HNRNPC: variants seen among roughly 807,000 people sequenced by gnomAD.
HNRNPC encodes the protein heterogeneous nuclear ribonucleoprotein C, also known as heterogeneous nuclear ribonucleoproteins C1/C2.
Under a neutral mutation model 33.2 loss-of-function variants are expected in HNRNPC, and 3 were observed. That is an observed-to-expected ratio of 0.09 (90% confidence interval 0.04 to 0.23). The LOEUF is 0.23. Ranked by LOEUF, HNRNPC falls within the 10% of genes least tolerant of loss-of-function variation. The pLI, the probability that HNRNPC is intolerant of heterozygous loss-of-function variation, is 1.00. For synonymous variants in HNRNPC, 121 were observed against 126.7 expected, an observed-to-expected ratio of 0.96 and a Z score of 0.30; for missense variants, 143 against 366.7, an observed-to-expected ratio of 0.39 and a Z score of 4.98.
chr14:21,266,345 C>CGCCTCA (rs1452955887), intron 1 of HNRNPC, among the ~76,000 whole-genome samples: 2 of 152,072 alleles, frequency 1.3e-5, no homozygotes, highest in Admixed American at 6.6e-5. Context: ...GTGATCCACC[C>CGCCTCA]GCCTCAGCCT....
At chr14:21,267,200 C>T (rs573589481) in intron 1 of HNRNPC, among the ~76,000 whole-genome samples, 3 of 144,294 alleles carry the variant, frequency 2.1e-5, no homozygotes, top group African/African-American at 7.7e-5. Context: ...GAATTAGAAA[C>T]TAAAAATTCA....
chr14:21,251,972 G>C (rs1002222754), intron 2 of HNRNPC, among the ~76,000 whole-genome samples: 1 of 152,012 alleles, frequency 6.6e-6, no homozygotes, highest in African/African-American at 2.4e-5. Context: ...TAACCTAGCA[G>C]CCCAGAATAA....
rs145449068 is a variant in HNRNPC, at chr14:21,247,687, C to T, written c.-36-13458G>A. 8.1e-3 allele frequency among the ~76,000 whole-genome samples: 1,231 copies of T among 152,156 alleles called. 13 individuals carry two copies. The highest frequency in any genetic ancestry group is 0.054 in the Middle Eastern group (16 of 294). ...ATCCTTGGCTGGGTGTGGTGGCTCACACCTGTAATCCCAGCACTTTGGGAG... is the reference window on the plus strand; with the variant it reads ...ATCCTTGGCTGGGTGTGGTGGCTCATACCTGTAATCCCAGCACTTTGGGAG... On this transcript the variant is annotated intron_variant, in intron 2 of 8. Coordinates refer to ENST00000553300, the MANE Select transcript of HNRNPC (RefSeq NM_004500.4).
At chr14:21,245,200 A>C (rs1170002084) in intron 2 of HNRNPC, among the ~76,000 whole-genome samples, 1 of 152,090 alleles carries the variant, frequency 6.6e-6, no homozygotes, top group Non-Finnish European at 1.5e-5. Context: ...ACAGTATAAA[A>C]GATTTCAAAA....
chr14:21,240,998 C>T (rs371963990), intron 2 of HNRNPC, among the ~76,000 whole-genome samples: 3 of 152,114 alleles, frequency 2.0e-5, no homozygotes, highest in Non-Finnish European at 4.4e-5. Flanking sequence ...AGGCCAGGTG[C>T]GAAGGCTCAC....
intron 5 of HNRNPC, among the ~76,000 whole-genome samples, chr14:21,227,948 A>C (rs1893666958): frequency 6.6e-6 from 1 of 152,262 alleles, no homozygotes; most frequent in Non-Finnish European, 1.5e-5. Flanking sequence ...CAGAAACACA[A>C]CCACGTCCTT....
intron 2 of HNRNPC, among the ~76,000 whole-genome samples, chr14:21,253,724 A>C (rs1203313863): frequency 6.6e-6 from 1 of 152,114 alleles, no homozygotes; most frequent in East Asian, 1.9e-4. Context: ...TAACACTGCC[A>C]ATAAATTGCT....
chr14:21,213,144 C>A, intron 5 of HNRNPC, 27 bp from the exon 6 acceptor site: 1 of 1,609,408 alleles, frequency 6.2e-7, no homozygotes, highest in Non-Finnish European at 8.5e-7. Context: ...AAATGGAATT[C>A]ATTCAAACCT....
At chr14:21,266,674 A>G (rs1464909995) in intron 1 of HNRNPC, among the ~76,000 whole-genome samples, 4 of 149,912 alleles carry the variant, frequency 2.7e-5, no homozygotes, top group African/African-American at 7.4e-5. Flanking sequence ...AAACCTTCCC[A>G]TTTCCAATGA....
chr14:21,241,602 GGTCCGGC>G (rs985347873), intron 2 of HNRNPC, among the ~76,000 whole-genome samples: 2 of 152,080 alleles, frequency 1.3e-5, no homozygotes. Flanking sequence ...TGCCTATTTA[GGTCCGGC>G]TACCCTATCC....
chr14:21,244,671 T>C (rs1489508872), intron 2 of HNRNPC, among the ~76,000 whole-genome samples: 8 of 152,220 alleles, frequency 5.3e-5, no homozygotes, highest in African/African-American at 1.7e-4. Context: ...AATTGTATCG[T>C]TATGCAATTT....
chr14:21,214,780 AGT>A (rs1891980526), intron 5 of HNRNPC, among the ~76,000 whole-genome samples: 1 of 152,218 alleles, frequency 6.6e-6, no homozygotes, highest in African/African-American at 2.4e-5. Context: ...ATAAAATATC[AGT>A]GTTCAGAAAC....
chr14:21,227,313 C>T (rs2139599011), intron 5 of HNRNPC, among the ~76,000 whole-genome samples: 1 of 152,254 alleles, frequency 6.6e-6, no homozygotes, highest in South Asian at 2.1e-4. Flanking sequence ...CATGTGGACA[C>T]CTCCTAAAAT....
chr14:21,240,833 A>T (rs7161178), intron 2 of HNRNPC, among the ~76,000 whole-genome samples: 28,867 of 152,012 alleles, frequency 0.19, 3,264 homozygotes, highest in African/African-American at 0.29. Context: ...ACATTATCCA[A>T]TGGTCCAGGA....
At chr14:21,264,008 TCAA>T (rs1426267933) in intron 1 of HNRNPC, 1 of 152,178 alleles carries the variant, frequency 6.6e-6, no homozygotes, top group Non-Finnish European at 1.5e-5. Context: ...TCACAATTCT[TCAA>T]CATCAATAGA....
intron 2 of HNRNPC, among the ~76,000 whole-genome samples, chr14:21,259,885 A>AAC (rs972947293): frequency 6.7e-6 from 1 of 149,962 alleles, no homozygotes; most frequent in Admixed American, 6.7e-5. Flanking sequence ...TCTCCACCAA[A>AAC]AAAAAAAAAA....
At position 21,213,041 on chromosome 14, in the gene HNRNPC, C is replaced by A. The variant is rs1891787042; in HGVS notation, c.442G>T (p.Val148Leu). The A allele has an allele frequency of 6.2e-7, 1 of 1,613,882 alleles. No individual in the cohort carries two copies. Among genetic ancestry groups the A allele is most frequent in the South Asian group, 1.1e-5 (1 of 91,076 alleles). Residue 148 changes from valine (V) to leucine (L), a missense_variant, in exon 6 of 9, where the codon GTA (valine) becomes TTA (leucine). Physicochemically the swap from Val to Leu is conservative, Grantham distance 32 (BLOSUM62 1). This residue lies in a region of HNRNPC where 131 missense variants were observed against 253.0 expected (regional missense o/e 0.52). Transcript: ENST00000553300. ...CCCCTTCGTGAAGTGTTTCCTGATA[C>A]ACGCTGACGTTTCGAGGGCACTACA... is the stretch of plus-strand genomic sequence containing the variant. ...RAVVPSKRQR[V>L]SGNTSRRGKS...
At chr14:21,266,732 AACT>A (rs1879041995) in intron 1 of HNRNPC, among the ~76,000 whole-genome samples, 1 of 151,220 alleles carries the variant, frequency 6.6e-6, no homozygotes, top group South Asian at 2.1e-4. Context: ...CCCCAGAGAC[AACT>A]ACTAATAAAG....
At chr14:21,250,441 A>G (rs966435908) in intron 2 of HNRNPC, among the ~76,000 whole-genome samples, 2 of 152,236 alleles carry the variant, frequency 1.3e-5, no homozygotes, top group African/African-American at 4.8e-5. Context: ...GAAAAAAATT[A>G]TAACTATGAC....
Sources: allele counts gnomAD v4.1 joint callset (sites outside exome capture counted in the v4.1 genomes callset), GRCh38; gene constraint gnomAD v4.1.1; regional missense constraint gnomAD v4.1.1; transcripts MANE v1.5; gene names NCBI Gene and HGNC (gene_info 2026-07-23, HGNC 2026-07-21).